The following TMEM232 variants were observed in gnomAD, a reference collection of about 807,000 sequenced individuals.
TMEM232 encodes the protein transmembrane protein 232.
TMEM232 carries 80 observed loss-of-function variants against 78.8 expected under a neutral mutation model. That is an observed-to-expected ratio of 1.01 (90% CI 0.85 to 1.22). TMEM232 has a LOEUF of 1.22. Ranked by LOEUF, TMEM232 falls within the 50% of genes most tolerant of loss-of-function variation. TMEM232 has a pLI of 0.00. For missense variants in TMEM232, 881 were observed against 742.2 expected (o/e 1.19, Z -2.17); for synonymous variants, 297 against 254.3 (o/e 1.17, Z -1.60).
intron 11 of TMEM232, among the ~76,000 whole-genome samples, chr5:110,535,673 A>G (rs1366502805): frequency 6.6e-6 from 1 of 152,222 alleles, no homozygotes; most frequent in African/African-American, 2.4e-5. Flanking sequence ...TGAAGATATT[A>G]TGGTGAACTC....
intron 12 of TMEM232, among the ~76,000 whole-genome samples, chr5:110,479,757 GCTGTTGT>G (rs1401024189): frequency 6.6e-6 from 1 of 151,640 alleles, no homozygotes; most frequent in Non-Finnish European, 1.5e-5. Flanking sequence ...TCAAAATACA[GCTGTTGT>G]CAGTGTCTGA....
chr5:110,519,188 T>C (rs895608274), intron 12 of TMEM232, among the ~76,000 whole-genome samples: 1 of 152,076 alleles, frequency 6.6e-6, no homozygotes, highest in African/African-American at 2.4e-5. Flanking sequence ...GAGAAAGATC[T>C]AAATAGACTG....
At chr5:110,487,458 G>T (rs1286574154) in intron 12 of TMEM232, among the ~76,000 whole-genome samples, 1 of 152,056 alleles carries the variant, frequency 6.6e-6, no homozygotes, top group Non-Finnish European at 1.5e-5. Context: ...GTCATAGATG[G>T]CTTTTATTAC....
intron 3 of TMEM232, among the ~76,000 whole-genome samples, chr5:110,393,302 G>A (rs1755270526): frequency 6.6e-6 from 1 of 152,082 alleles, no homozygotes; most frequent in Non-Finnish European, 1.5e-5. Context: ...TTTAATTTTA[G>A]TTTGATCAGA....
downstream of TMEM232, among the ~76,000 whole-genome samples, chr5:110,417,200 T>C (rs547836622): frequency 2.0e-5 from 3 of 152,316 alleles, no homozygotes; most frequent in Admixed American, 6.5e-5. Context: ...AAGTTTTAGA[T>C]AGAACTTTAG....
In TMEM232 at chr5:110,638,292, G is replaced by A. The variant is rs1379935782; in HGVS notation, c.407C>T (p.Ala136Val). 6.4e-6 allele frequency: 10 copies of A among 1,550,902 alleles called. No individual in the cohort carries two copies. In the East Asian group the frequency reaches 2.4e-4, roughly 38 times the overall value. ...AACCGATTCCGCAACAAAAAATAAG[G>A]CAGGCAGATGATCATAATCAAAGGA... The part of the protein sequence containing the change: ...HASFDYDHLP[A>V]LFFVAESVLY... Residue 136 changes from alanine (A) to valine (V), a missense_variant, in exon 5 of 14, where the codon GCC becomes GTC. Physicochemically the swap from Ala to Val is moderately conservative, Grantham distance 64 (BLOSUM62 0). Transcript: ENST00000455884.
chr5:110,634,441 G>C (rs555867789), intron 5 of TMEM232, among the ~76,000 whole-genome samples: 1 of 151,992 alleles, frequency 6.6e-6, no homozygotes, highest in African/African-American at 2.4e-5. Context: ...TAGATCATAT[G>C]CTAGGCAAAA....
At chr5:110,591,312 G>A (rs545276359) in intron 10 of TMEM232, among the ~76,000 whole-genome samples, 2 of 152,158 alleles carry the variant, frequency 1.3e-5, no homozygotes, top group Non-Finnish European at 2.9e-5. Flanking sequence ...ACAAAAATTA[G>A]TCAAGCATGG....
intron 13 of TMEM232, among the ~76,000 whole-genome samples, chr5:110,423,644 T>C (rs1375742096): frequency 6.6e-6 from 1 of 152,146 alleles, no homozygotes; most frequent in African/African-American, 2.4e-5. Flanking sequence ...AGTGATTACT[T>C]GGATAGTGCT....
chr5:110,467,008 A>G (rs1170338376), intron 12 of TMEM232, among the ~76,000 whole-genome samples: 2 of 152,054 alleles, frequency 1.3e-5, no homozygotes, highest in Non-Finnish European at 2.9e-5. Context: ...AGGTTGATAG[A>G]AAAAGGGATC....
At chr5:110,714,358 G>A (rs1291525843) in intron 1 of TMEM232, among the ~76,000 whole-genome samples, 2 of 152,082 alleles carry the variant, frequency 1.3e-5, no homozygotes, top group Non-Finnish European at 2.9e-5. Flanking sequence ...TTTGTATAAA[G>A]TCTCTGAACA....
chr5:110,476,020 A>G (rs963841507), intron 12 of TMEM232, among the ~76,000 whole-genome samples: 5 of 152,030 alleles, frequency 3.3e-5, no homozygotes, highest in South Asian at 2.1e-4. Context: ...AAGACCATAT[A>G]TTAATATGGC....
At chr5:110,596,077 C>A (rs898144865) in intron 10 of TMEM232, among the ~76,000 whole-genome samples, 1 of 152,094 alleles carries the variant, frequency 6.6e-6, no homozygotes, top group East Asian at 1.9e-4. Flanking sequence ...CGGCAGATCT[C>A]TCAGCAGAAA....
intron 12 of TMEM232, among the ~76,000 whole-genome samples, chr5:110,524,018 A>T (rs992355083): frequency 1.3e-5 from 2 of 149,864 alleles, no homozygotes; most frequent in African/African-American, 4.9e-5. Context: ...TAATCCCAAC[A>T]GTTTGGGAGG....
chr5:110,514,971 T>C (rs1044355580), intron 12 of TMEM232, among the ~76,000 whole-genome samples: 1 of 152,242 alleles, frequency 6.6e-6, no homozygotes, highest in African/African-American at 2.4e-5. Flanking sequence ...TGTTTGAACA[T>C]ATTTTTAAAC....
At chr5:110,601,592 T>C (rs751653736) in intron 10 of TMEM232, among the ~76,000 whole-genome samples, 4 of 152,100 alleles carry the variant, frequency 2.6e-5, no homozygotes, top group East Asian at 1.9e-4. Flanking sequence ...TTAAAAAGGA[T>C]GTGAAGGACC....
intron 8 of TMEM232, among the ~76,000 whole-genome samples, chr5:110,616,904 T>C (rs1239444495): frequency 6.6e-6 from 1 of 152,194 alleles, no homozygotes; most frequent in Non-Finnish European, 1.5e-5. Context: ...AACTACCATA[T>C]GATCTAACAA....
At chr5:110,573,949 A>G (rs115004904) in intron 10 of TMEM232, among the ~76,000 whole-genome samples, 184 of 152,216 alleles carry the variant, frequency 1.2e-3, no homozygotes, top group Non-Finnish European at 1.7e-3. Context: ...TTACTTAGAT[A>G]CACTCTGAAT....
chr5:110,657,849 A>C (rs1789292368), intron 2 of TMEM232, among the ~76,000 whole-genome samples: 1 of 152,172 alleles, frequency 6.6e-6, no homozygotes, highest in East Asian at 1.9e-4. Context: ...TTAGGGTGCT[A>C]ATCAATATAT....
Sources: gnomAD v4.1 joint callset for allele counts (sites outside exome capture counted in the v4.1 genomes callset) on GRCh38, gnomAD v4.1.1 for gene constraint, MANE v1.5 for transcripts, NCBI Gene and HGNC (gene_info 2026-07-23, HGNC 2026-07-21) for gene names.